ZBTB43: variants seen among roughly 807,000 people sequenced by gnomAD.
ZBTB43 encodes zinc finger and BTB domain containing 43, also known as zinc finger and BTB domain-containing protein 43.
In ZBTB43, 6 loss-of-function variants were observed where a neutral mutation model predicts 31.1. The observed-to-expected ratio is 0.19, with a 90% confidence interval of 0.11 to 0.38. ZBTB43 has a LOEUF of 0.38. Among genes scored for constraint, ZBTB43 ranks in the 10% least tolerant of loss-of-function variants. The pLI is 1.00. For synonymous variants in ZBTB43, 212 were observed against 221.7 expected (o/e 0.96, Z 0.39); for missense variants, 379 against 602.1 (o/e 0.63, Z 3.88).
chr9:126,808,018 A>G (rs1019026080), intron 1 of ZBTB43, among the ~76,000 whole-genome samples: 1 of 152,160 alleles, frequency 6.6e-6, no homozygotes. Context: ...TGAGGAAAAA[A>G]TATTTTTTAA....
rs1484952180 is a variant in ZBTB43, at chr9:126,832,531, T to C, written c.22T>C (p.Phe8Leu). The C allele has an allele frequency of 6.2e-7, 1 of 1,607,792 alleles. No individual in the cohort carries two copies. The change falls in exon 3 of 3, where the codon TTT (phenylalanine) becomes CTT (leucine). Residue 8 changes from phenylalanine to leucine, a missense_variant. Phe to Leu is a conservative substitution (Grantham distance 22). Coordinates refer to ENST00000373464, the MANE Select transcript of ZBTB43 (RefSeq NM_014007.4). ...TGAAATGGAGCCTGGAACAAACTCT[T>C]TTCGGGTAGAATTTCCTGATTTTTC... MEPGTNS[F>L]RVEFPDFSST...
At position 126,832,494 on chromosome 9, in the gene ZBTB43, C is replaced by G; in HGVS notation, c.-16C>G. On this transcript the variant is annotated 5_prime_UTR_variant, in exon 3 of 3. Transcript: ENST00000373464. ...TTTTTCTTTCTCTTGTAGCACCGAACAAGATTTGTGATGAAATGGAGCCTG... is the reference window on the plus strand; with the variant it reads ...TTTTTCTTTCTCTTGTAGCACCGAAGAAGATTTGTGATGAAATGGAGCCTG... 6.3e-7 allele frequency: 1 copy of G among 1,592,504 alleles called. No homozygotes were observed. Among genetic ancestry groups the G allele is most frequent in the Non-Finnish European group, 8.6e-7 (1 of 1,166,616 alleles).
intron 2 of ZBTB43, among the ~76,000 whole-genome samples, chr9:126,821,660 A>G (rs2032511858): frequency 6.6e-6 from 1 of 152,226 alleles, no homozygotes; most frequent in African/African-American, 2.4e-5. Flanking sequence ...GTGGATGAGA[A>G]GTTGCTTCTT....
chr9:126,818,308 T>A (rs1472333254), intron 2 of ZBTB43, among the ~76,000 whole-genome samples: 3 of 150,460 alleles, frequency 2.0e-5, no homozygotes, highest in Non-Finnish European at 4.4e-5. Context: ...TATATATATA[T>A]ATATATTTAG....
In ZBTB43 at chr9:126,834,282, A is replaced by G. The variant is rs1014981793; in HGVS notation, c.*369A>G. ...TTGGATCACTCATTATTACAAGGTC[A>G]TGCTGAAATTTTATTTTGCTCTTGC... On this transcript the variant is annotated 3_prime_UTR_variant, in exon 3 of 3. Coordinates refer to ENST00000373464, the MANE Select transcript of ZBTB43 (RefSeq NM_014007.4). 4 of 188,072 alleles carry G rather than the reference A, an allele frequency of 2.1e-5. No homozygotes were observed. Among genetic ancestry groups the G allele is most frequent in the Non-Finnish European group, 4.9e-5 (4 of 82,284 alleles). The allele number at this position is 188,072 out of a possible 1,614,324, so 11.7% of individuals were successfully genotyped here.
rs754592887 is a variant in ZBTB43 at position 126,832,502 on chromosome 9, G to A, written c.-8G>A. ...TCTCTTGTAGCACCGAACAAGATTTGTGATGAAATGGAGCCTGGAACAAAC... is the reference window on the plus strand; with the variant it reads ...TCTCTTGTAGCACCGAACAAGATTTATGATGAAATGGAGCCTGGAACAAAC... On this transcript the variant is annotated 5_prime_UTR_variant, in exon 3 of 3. It adds an upstream start codon to the 5' untranslated region. Transcript: ENST00000373464. The A allele has an allele frequency of 5.6e-6, 9 of 1,596,402 alleles. No individual in the cohort carries two copies. Among genetic ancestry groups the A allele is most frequent in the Admixed American group, 3.4e-5 (2 of 58,166 alleles).
intron 2 of ZBTB43, among the ~76,000 whole-genome samples, chr9:126,828,009 C>T (rs1361486602): frequency 1.3e-5 from 2 of 151,010 alleles, no homozygotes. Flanking sequence ...AAGAGTGAAA[C>T]TCCGTCTCAA....
intron 2 of ZBTB43, among the ~76,000 whole-genome samples, chr9:126,810,146 G>A (rs2032212153): frequency 6.6e-6 from 1 of 151,364 alleles, no homozygotes; most frequent in Admixed American, 6.6e-5. Context: ...ACTAACTGCT[G>A]GTATCTTATT....
intron 1 of ZBTB43, among the ~76,000 whole-genome samples, chr9:126,806,832 A>G (rs2032136677): frequency 6.6e-6 from 1 of 152,140 alleles, no homozygotes; most frequent in Non-Finnish European, 1.5e-5. Context: ...TAGTTAAATG[A>G]ATTTGGTTAA....
At chr9:126,807,903 T>A (rs181210758) in intron 1 of ZBTB43, among the ~76,000 whole-genome samples, 16 of 152,350 alleles carry the variant, frequency 1.1e-4, no homozygotes, top group Admixed American at 3.3e-4. Flanking sequence ...CCCAAAGTGC[T>A]GGGATTAACA....
rs750291521 is a variant in ZBTB43 at position 126,833,132 on chromosome 9, C to T, written c.623C>T (p.Thr208Met). ...NSSTEHDRLS[T>M]EMASQDGEEG... is the part of the protein sequence containing the mutation. ...TCCACAGAGCATGACCGCCTGAGCACGGAAATGGCAAGCCAGGATGGGGAG... is the reference window on the plus strand; with the variant it reads ...TCCACAGAGCATGACCGCCTGAGCATGGAAATGGCAAGCCAGGATGGGGAG... The change falls in exon 3 of 3, where the codon ACG becomes ATG. Residue 208 changes from threonine (T) to methionine (M), a missense_variant. Thr to Met is a moderately conservative substitution (Grantham distance 81). Around this residue, in one of 5 missense-constraint regions of ZBTB43, gnomAD observed 253 missense variants for 322.3 expected, o/e 0.79. Transcript: ENST00000373464. The surrounding 1 kb of genome is among the most constrained non-coding windows in gnomAD (Gnocchi z 7.9). 6.2e-6 allele frequency: 10 copies of T among 1,613,890 alleles called. No individual in the cohort carries two copies. Among genetic ancestry groups the T allele is most frequent in the Admixed American group, 3.3e-5 (2 of 60,010 alleles).
chr9:126,816,061 G>A (rs1400999510), intron 2 of ZBTB43, among the ~76,000 whole-genome samples: 1 of 152,112 alleles, frequency 6.6e-6, no homozygotes, highest in Non-Finnish European at 1.5e-5. Context: ...ACTGAGGTAA[G>A]GCTTTTCTGA....
intron 2 of ZBTB43, among the ~76,000 whole-genome samples, chr9:126,818,575 G>A (rs961852250): frequency 6.6e-5 from 10 of 152,168 alleles, no homozygotes; most frequent in African/African-American, 2.4e-4. Context: ...AAAGGGTGCT[G>A]AATTTTGTCA....
intron 2 of ZBTB43, among the ~76,000 whole-genome samples, chr9:126,825,983 AC>A (rs1157625000): frequency 6.7e-6 from 1 of 148,636 alleles, no homozygotes; most frequent in Non-Finnish European, 1.5e-5. Context: ...GGTAGCTGGG[AC>A]TACAGGCTCA....
intron 2 of ZBTB43, among the ~76,000 whole-genome samples, chr9:126,816,443 A>G (rs2032387858): frequency 1.3e-5 from 2 of 151,984 alleles, no homozygotes; most frequent in Non-Finnish European, 2.9e-5. Flanking sequence ...CTGTGTTTTC[A>G]TGAAGTTTGT....
chr9:126,819,803 G>A (rs893163314), intron 2 of ZBTB43, among the ~76,000 whole-genome samples: 1 of 152,186 alleles, frequency 6.6e-6, no homozygotes, highest in Non-Finnish European at 1.5e-5. Flanking sequence ...CAGCCAAATT[G>A]TGAATGCAAA....
At chr9:126,831,003 C>T (rs763943034) in intron 2 of ZBTB43, among the ~76,000 whole-genome samples, 2 of 152,138 alleles carry the variant, frequency 1.3e-5, no homozygotes, top group South Asian at 4.1e-4. Context: ...AGAAGCATAC[C>T]TCACCTTGCA....
At chr9:126,818,633 T>C (rs1353579534) in intron 2 of ZBTB43, among the ~76,000 whole-genome samples, 1 of 152,224 alleles carries the variant, frequency 6.6e-6, no homozygotes, top group African/African-American at 2.4e-5. Flanking sequence ...TATGTGTTTT[T>C]TTCCCCTTCA....
chr9:126,816,340 T>G (rs2032385353), intron 2 of ZBTB43, among the ~76,000 whole-genome samples: 1 of 152,212 alleles, frequency 6.6e-6, no homozygotes, highest in Non-Finnish European at 1.5e-5. Context: ...CTGCTCTATA[T>G]TAGTTTCCTG....
Sources: allele counts gnomAD v4.1 joint callset (sites outside exome capture counted in the v4.1 genomes callset), GRCh38; gene constraint gnomAD v4.1.1; regional missense constraint gnomAD v4.1.1; non-coding constraint Gnocchi (gnomAD v3.1); transcripts MANE v1.5; gene names NCBI Gene and HGNC (gene_info 2026-07-23, HGNC 2026-07-21).